DYSF: variants seen among roughly 807,000 people sequenced by gnomAD.
The protein encoded by DYSF is dysferlin, also known as dystrophy-associated fer-1-like 1.
A neutral mutation model predicts 274.9 loss-of-function variants in DYSF; 212 were observed. The ratio of observed to expected loss-of-function variants is 0.77; its 90% CI spans 0.69 to 0.86. The LOEUF (loss-of-function observed/expected upper bound fraction) is 0.86, where lower values mean the gene tolerates loss of function less well. DYSF is among the 40% of genes least tolerant of loss of function. The pLI is 0.00. For missense variants in DYSF, 2,666 were observed against 2,783.2 expected, an observed-to-expected ratio of 0.96 and a Z score of 0.95; for synonymous variants, 1,091 against 1,078.7, an observed-to-expected ratio of 1.01 and a Z score of -0.22.
chr2:71,482,350 G>GAGGC (rs1279701978), intron 3 of DYSF, among the ~76,000 whole-genome samples: 4 of 152,246 alleles, frequency 2.6e-5, no homozygotes, highest in Admixed American at 6.5e-5. Flanking sequence ...CCCCCTGCAG[G>GAGGC]AGGCAGGCAG....
At chr2:71,627,628 T>A (rs1394066084) in intron 41 of DYSF, among the ~76,000 whole-genome samples, 1 of 152,130 alleles carries the variant, frequency 6.6e-6, no homozygotes, top group Admixed American at 6.5e-5. Flanking sequence ...TACTCCTGAT[T>A]TTTGTGTGTG....
At chr2:71,563,265 C>T (rs2152805355) in intron 23 of DYSF, among the ~76,000 whole-genome samples, 1 of 152,340 alleles carries the variant, frequency 6.6e-6, no homozygotes, top group East Asian at 1.9e-4. Context: ...TCAAATGGGG[C>T]TGCCTGTCCT....
At position 71,513,345 on chromosome 2, in the gene DYSF, C is replaced by T; in HGVS notation, c.553+13C>T. ...CCGGCCCCCACGGGTGAGACACGGG[C>T]CAGGACTGTCCTGATCCCAGACCCT... On this transcript the variant is annotated intron_variant, in intron 6 of 55. Transcript: ENST00000410020. The T allele has an allele frequency of 6.5e-7, 1 of 1,550,366 alleles. No individual in the cohort carries two copies. The highest frequency in any genetic ancestry group is 8.7e-7 in the Non-Finnish European group (1 of 1,145,978).
intron 14 of DYSF, among the ~76,000 whole-genome samples, chr2:71,532,877 T>A (rs1223864033): frequency 1.3e-5 from 2 of 150,336 alleles, no homozygotes; most frequent in East Asian, 2.0e-4. Context: ...TCTATCTATC[T>A]ATCATGAAAA....
intron 52 of DYSF, among the ~76,000 whole-genome samples, chr2:71,678,186 A>AT (rs1379838767): frequency 6.6e-6 from 1 of 152,236 alleles, no homozygotes; most frequent in East Asian, 1.9e-4. Flanking sequence ...AATTTTATGC[A>AT]TGAAACAAAG....
In DYSF at chr2:71,520,780, C is replaced by T. The variant is rs1374975026; in HGVS notation, c.1034-9C>T. On this transcript the variant is annotated splice_polypyrimidine_tract_variant and intron_variant, in intron 11 of 55. Coordinates refer to ENST00000410020, the MANE Select transcript of DYSF (RefSeq NM_001130987.2). ...TTCTGGGATCACCAGAGGATGTTGT[C>T]TCTCTTAGGGCACGCCTATCTCAGG... The T allele has an allele frequency of 1.9e-6, 3 of 1,613,252 alleles. No individual in the cohort carries two copies. The highest frequency in any genetic ancestry group is 2.5e-6 in the Non-Finnish European group (3 of 1,179,358).
chr2:71,506,713 G>A (rs1355557660), intron 4 of DYSF, among the ~76,000 whole-genome samples: 2 of 152,066 alleles, frequency 1.3e-5, no homozygotes, highest in Non-Finnish European at 2.9e-5. Flanking sequence ...GTCCTGGGTG[G>A]GGCCCACTGA....
At position 71,589,585 on chromosome 2, in the gene DYSF, G is replaced by A. The variant is rs779448304; in HGVS notation, c.3403-8G>A. 1.9e-6 allele frequency: 3 copies of A among 1,613,770 alleles called. No individual in the cohort carries two copies. Among genetic ancestry groups the A allele is most frequent in the Non-Finnish European group, 2.5e-6 (3 of 1,179,862 alleles). On this transcript the variant is annotated splice_region_variant and splice_polypyrimidine_tract_variant and intron_variant, in intron 30 of 55. Transcript: ENST00000410020. ...CAGAATCTGCCATAACCAGCTTCGT[G>A]TCTCCAGGGCGGCGTGATGGATGAC... is the stretch of plus-strand genomic sequence containing the variant.
rs150444206 is a variant in DYSF at position 71,627,746 on chromosome 2, A to G, written c.4527+7137A>G. Among the ~76,000 whole-genome samples, 226 of 152,214 alleles carry G rather than the reference A, an allele frequency of 1.5e-3. 1 individual carries two copies. The highest frequency in any genetic ancestry group is 5.0e-3 in the African/African-American group (208 of 41,548). On this transcript the variant is annotated intron_variant, in intron 41 of 55. Transcript: ENST00000410020. ...TACTTTTATATATTTGATGCTCTCT[A>G]TATTTTTTCTCTCTCTATAGAGAAT... is the stretch of plus-strand genomic sequence containing the variant.
exon 1 of DYSF, chr2:71,454,067 C>T: frequency 6.2e-7 from 1 of 1,614,134 alleles, no homozygotes; most frequent in Non-Finnish European, 8.5e-7. Context: ...GCGATGCCTA[C>T]TGCTCCGCGG....
chr2:71,636,436 A>C (rs2094403862), intron 41 of DYSF, among the ~76,000 whole-genome samples: 1 of 152,152 alleles, frequency 6.6e-6, no homozygotes, highest in Non-Finnish European at 1.5e-5. Flanking sequence ...TGCCAGCATG[A>C]GTGACTGATG....
chr2:71,583,068 A>AAAG (rs1558535440), intron 30 of DYSF, among the ~76,000 whole-genome samples: 1 of 151,014 alleles, frequency 6.6e-6, no homozygotes, highest in East Asian at 1.9e-4. Flanking sequence ...AAAAAAAAAA[A>AAAG]AGAGAAATTA....
At chr2:71,536,588 G>C (rs1179194788) in intron 16 of DYSF, among the ~76,000 whole-genome samples, 1 of 152,242 alleles carries the variant, frequency 6.6e-6, no homozygotes, top group Non-Finnish European at 1.5e-5. Context: ...GGGTGCGGTT[G>C]TCTCCTGTGT....
intron 30 of DYSF, among the ~76,000 whole-genome samples, chr2:71,583,368 C>T (rs941983070): frequency 6.6e-6 from 1 of 152,152 alleles, no homozygotes; most frequent in Non-Finnish European, 1.5e-5. Context: ...GAGTTGAGTC[C>T]TCCCCATAAA....
At chr2:71,641,066 C>G (rs1307748383) in intron 41 of DYSF, among the ~76,000 whole-genome samples, 1 of 151,994 alleles carries the variant, frequency 6.6e-6, no homozygotes, top group Admixed American at 6.6e-5. Context: ...TGGTTTCAGC[C>G]TCATAAACCT....
chr2:71,595,213 C>T (rs1233819402), intron 32 of DYSF, among the ~76,000 whole-genome samples: 1 of 152,212 alleles, frequency 6.6e-6, no homozygotes, highest in Non-Finnish European at 1.5e-5. Context: ...CAACTCTTTG[C>T]CCATACTGGC....
intron 3 of DYSF, 66 bp downstream of exon 3, chr2:71,482,036 C>T: frequency 7.4e-7 from 1 of 1,342,656 alleles, no homozygotes; most frequent in Non-Finnish European, 1.1e-6. Flanking sequence ...AGTATACAGA[C>T]TGCAGAATCC....
intron 24 of DYSF, among the ~76,000 whole-genome samples, chr2:71,565,867 G>A (rs1243092911): frequency 6.6e-6 from 1 of 152,234 alleles, no homozygotes; most frequent in African/African-American, 2.4e-5. Context: ...ATCAATGGAT[G>A]TTAGTTTCTC....
chr2:71,658,858 T>A lies in DYSF; in HGVS notation c.4756-20T>A. ...CAACAATGATGATAAAAATGAAAAT[T>A]AACCCTTCCTTCTTTTCAGGGCCTC... On this transcript the variant is annotated intron_variant, in intron 43 of 55. Coordinates refer to ENST00000410020, the MANE Select transcript of DYSF (RefSeq NM_001130987.2). 6.2e-7 allele frequency: 1 copy of A among 1,614,046 alleles called. No homozygotes were observed. The highest frequency in any genetic ancestry group is 8.5e-7 in the Non-Finnish European group (1 of 1,179,964).
Sources: allele counts gnomAD v4.1 joint callset (sites outside exome capture counted in the v4.1 genomes callset), GRCh38; gene constraint gnomAD v4.1.1; transcripts MANE v1.5; gene names NCBI Gene and HGNC (gene_info 2026-07-23, HGNC 2026-07-21).